The following DNAI1 variants were observed in gnomAD, a reference collection of about 807,000 sequenced individuals.
DNAI1 encodes dynein, axonemal, intermediate polypeptide 1.
In DNAI1, 67 loss-of-function variants were observed where a neutral mutation model predicts 92.0. The ratio of observed to expected loss-of-function variants is 0.73; its 90% CI spans 0.60 to 0.89. DNAI1 has a LOEUF of 0.89. Among genes scored for constraint, DNAI1 ranks in the 40% least tolerant of loss-of-function variants. DNAI1 has a pLI of 0.00. For missense variants in DNAI1, 839 were observed against 866.6 expected (o/e 0.97, Z 0.40); for synonymous variants, 323 against 319.6 (o/e 1.01, Z -0.11).
intron 10 of DNAI1, among the ~76,000 whole-genome samples, chr9:34,497,782 A>G (rs1381652553): frequency 6.6e-6 from 1 of 152,154 alleles, no homozygotes; most frequent in Non-Finnish European, 1.5e-5. Flanking sequence ...GTGTGAGAGA[A>G]GATAGCTACA....
chr9:34,477,617 A>G (rs1311061928), intron 1 of DNAI1, among the ~76,000 whole-genome samples: 1 of 152,306 alleles, frequency 6.6e-6, no homozygotes, highest in East Asian at 1.9e-4. Context: ...ATTAAGAAAG[A>G]TATTAAAGAA....
chr9:34,513,893 A>T (rs1293958263), intron 16 of DNAI1, among the ~76,000 whole-genome samples: 1 of 148,622 alleles, frequency 6.7e-6, no homozygotes, highest in Non-Finnish European at 1.5e-5. Flanking sequence ...AGGGCAAAAA[A>T]CTGAATAGGA....
chr9:34,517,289 A>G lies in DNAI1; in HGVS notation c.1823A>G (p.His608Arg). The G allele has an allele frequency of 6.2e-7, 1 of 1,613,740 alleles. No homozygotes were observed. The highest frequency in any genetic ancestry group is 8.5e-7 in the Non-Finnish European group (1 of 1,179,880). The change falls in exon 19 of 20, where the codon CAC (histidine) becomes CGC (arginine). Residue 608 changes from histidine (H) to arginine (R), a missense_variant. His to Arg is a conservative substitution (Grantham distance 29). Transcript: ENST00000242317. Reference sequence around the variant, plus strand: ...CTGACACCGACCTCTCCACAGGCCCACATATTTGACTTAGCCATCAACAAG... The same window carrying G: ...CTGACACCGACCTCTCCACAGGCCCGCATATTTGACTTAGCCATCAACAAG... ...FAAVTTDGKA[H>R]IFDLAINKYE... is the part of the protein sequence containing the mutation.
chr9:34,507,821 C>G (rs557562530), intron 13 of DNAI1, among the ~76,000 whole-genome samples: 28 of 152,352 alleles, frequency 1.8e-4, no homozygotes, highest in Non-Finnish European at 1.0e-4. Context: ...CTCTGTAGCA[C>G]CCCCTCTTCT....
chr9:34,484,478 G>A (rs906714452), intron 2 of DNAI1, among the ~76,000 whole-genome samples: 4 of 152,076 alleles, frequency 2.6e-5, no homozygotes, highest in Admixed American at 6.5e-5. Context: ...TTGTTTTATA[G>A]TTTGCCAATT....
intron 4 of DNAI1, among the ~76,000 whole-genome samples, chr9:34,486,711 C>T (rs1394033437): frequency 7.2e-5 from 11 of 152,062 alleles, no homozygotes. Flanking sequence ...GTACAATGAC[C>T]ACCACAATTT....
Position 34,458,866 on chromosome 9 carries a change from A to T in DNAI1, c.-140A>T. 1 of 765,704 alleles carries T rather than the reference A, an allele frequency of 1.3e-6. No homozygotes were observed. The highest frequency in any genetic ancestry group is 2.3e-6 in the Non-Finnish European group (1 of 428,386). 47.4% of individuals were successfully genotyped at this position (765,704 alleles called of 1,614,324 possible). On this transcript the variant is annotated 5_prime_UTR_variant, in exon 1 of 20. Transcript: ENST00000242317. The surrounding 1 kb of genome is among the most constrained non-coding windows in gnomAD (Gnocchi z 6.6). Reference sequence around the variant, plus strand: ...TCCTGCAAGGGCACGGGGACCCACAACGACGGCTGTCCCTAAAGAACCGTT... The same window carrying T: ...TCCTGCAAGGGCACGGGGACCCACATCGACGGCTGTCCCTAAAGAACCGTT...
chr9:34,489,359 C>G lies in DNAI1; in HGVS notation c.298C>G (p.Leu100Val). Residue 100 changes from leucine to valine, a missense_variant, in exon 5 of 20, where the codon CTG becomes GTG. Physicochemically the swap from Leu to Val is conservative, Grantham distance 32. Transcript: ENST00000242317. Reference sequence around the variant, plus strand: ...TAAGCCTATTGGCTTTGTGAACCAACTGGCAGTTCACTACACCCAGGTTGG... The same window carrying G: ...TAAGCCTATTGGCTTTGTGAACCAAGTGGCAGTTCACTACACCCAGGTTGG... Reference protein sequence around the residue: ...TYKPIGFVNQLAVHYTQVGNL... With the variant: ...TYKPIGFVNQVAVHYTQVGNL... The G allele has an allele frequency of 6.2e-7, 1 of 1,614,094 alleles. No homozygotes were observed. The highest frequency in any genetic ancestry group is 8.5e-7 in the Non-Finnish European group (1 of 1,179,986).
Position 34,512,171 on chromosome 9 carries a change from C to A in DNAI1, c.1374C>A (p.Gly458=). The A allele has an allele frequency of 6.2e-7, 1 of 1,614,160 alleles. No individual in the cohort carries two copies. Among genetic ancestry groups the A allele is most frequent in the Admixed American group, 1.7e-5 (1 of 60,012 alleles). ...NLNFFSVSSD[G]RIVSWTLVKR... ...ACTTCTTCTCTGTGTCATCTGACGG[C>A]AGGATTGTGTCTTGGACTCTCGTGA... is the stretch of plus-strand genomic sequence containing the variant. The change falls in exon 14 of 20, where the codon GGC becomes GGA. Residue 458 remains glycine, a synonymous_variant. Transcript: ENST00000242317.
At chr9:34,469,432 AT>A (rs111706306) in intron 1 of DNAI1, among the ~76,000 whole-genome samples, 4 of 148,056 alleles carry the variant, frequency 2.7e-5, no homozygotes, top group Non-Finnish European at 4.5e-5. Context: ...AGCCCAGCTA[AT>A]TTTTTTTTTA....
Position 34,520,735 on chromosome 9 carries a change from G to A in DNAI1, c.2079G>A (p.Arg693=). 6.4e-7 allele frequency: 1 copy of A among 1,551,638 alleles called. No individual in the cohort carries two copies. Among genetic ancestry groups the A allele is most frequent in the Non-Finnish European group, 8.7e-7 (1 of 1,146,964 alleles). The change falls in exon 20 of 20, where the codon AGG becomes AGA. Residue 693 remains arginine (R), a synonymous_variant. Transcript: ENST00000242317. The part of the protein sequence containing the change: ...AKLDKLLNLV[R]EVKIKT The stretch of plus-strand genomic sequence containing the variant: ...TGGACAAACTGCTGAACCTGGTGAG[G>A]GAAGTGAAAATCAAGACCTGAGGGG...
At chr9:34,485,539 A>C (rs2132057785) in intron 4 of DNAI1, 22 bp downstream of exon 4, 1 of 1,610,236 alleles carries the variant, frequency 6.2e-7, no homozygotes, top group Middle Eastern at 1.7e-4. Context: ...CCTCCTGGGC[A>C]GGGGCATCTA....
intron 9 of DNAI1, among the ~76,000 whole-genome samples, chr9:34,496,086 C>T (rs1824717259): frequency 6.6e-6 from 1 of 152,204 alleles, no homozygotes. Context: ...TGTATTATCA[C>T]ATTTCACCAT....
intron 8 of DNAI1, among the ~76,000 whole-genome samples, chr9:34,492,503 T>TAGATATAG (rs1554688202): frequency 4.2e-5 from 2 of 48,050 alleles, no homozygotes; most frequent in African/African-American, 1.6e-4. Flanking sequence ...GATATATATA[T>TAGATATAG]ATATATATAT....
In DNAI1 at chr9:34,500,956, A is replaced by G. The variant is rs556534171; in HGVS notation, c.1019+117A>G. 101 of 1,036,296 alleles carry G rather than the reference A, an allele frequency of 9.7e-5. 1 individual carries two copies. In the South Asian group the frequency reaches 1.3e-3, roughly 13 times the overall value. The allele number at this position is 1,036,296 out of a possible 1,614,324, so 64.2% of individuals were successfully genotyped here. A position where few individuals can be genotyped will look rare whatever the true frequency, so the allele number is the denominator to read the frequency against. On this transcript the variant is annotated intron_variant, in intron 11 of 19. Coordinates refer to ENST00000242317, the MANE Select transcript of DNAI1 (RefSeq NM_012144.4). ...GTATGACATGTGACAGTATAGAAAA[A>G]TATGGAACTTGGATTCTTATGGGAT...
At position 34,490,277 on chromosome 9, in the gene DNAI1, C is replaced by G. The variant is rs1170164982; in HGVS notation, c.502-92C>G. 6 of 1,610,848 alleles carry G rather than the reference C, an allele frequency of 3.7e-6. No individual in the cohort carries two copies. In the East Asian group the frequency reaches 1.3e-4, roughly 36 times the overall value. The stretch of plus-strand genomic sequence containing the variant: ...CTGGCAGCATCACTCTCTCCTACCT[C>G]TGTCCTATCCTAGGACAGGGCTTGC... On this transcript the variant is annotated intron_variant, in intron 6 of 19. Coordinates refer to ENST00000242317, the MANE Select transcript of DNAI1 (RefSeq NM_012144.4).
At chr9:34,490,311 C>T in intron 6 of DNAI1, 58 bp from the exon 7 acceptor site, 1 of 1,614,024 alleles carries the variant, frequency 6.2e-7, no homozygotes, top group Non-Finnish European at 8.5e-7. Context: ...GCCCCATCTC[C>T]CGGTTTTCTA....
At chr9:34,506,482 AAGATGAATCCCAG>A in intron 12 of DNAI1, 132 bp from the exon 13 acceptor site, 1 of 1,096,946 alleles carries the variant, frequency 9.1e-7, no homozygotes, top group East Asian at 2.6e-5. Context: ...ACAGATGGAA[AAGATGAATCCCAG>A]AGAGGAATCC....
chr9:34,503,018 T>G (rs1442236830), intron 12 of DNAI1, among the ~76,000 whole-genome samples: 1 of 152,190 alleles, frequency 6.6e-6, no homozygotes, highest in Non-Finnish European at 1.5e-5. Flanking sequence ...CTCGTAGCTT[T>G]CCTGCAGTAC....
Sources: allele counts gnomAD v4.1 joint callset (sites outside exome capture counted in the v4.1 genomes callset), GRCh38; gene constraint gnomAD v4.1.1; non-coding constraint Gnocchi (gnomAD v3.1); transcripts MANE v1.5; gene names NCBI Gene and HGNC (gene_info 2026-07-23, HGNC 2026-07-21).